TRPM3: variants seen among roughly 807,000 people sequenced by gnomAD.
The protein encoded by TRPM3 is transient receptor potential cation channel subfamily M member 3, also known as long transient receptor potential channel 3.
In TRPM3, 77 loss-of-function variants were observed where a neutral mutation model predicts 181.2. The observed-to-expected ratio is 0.42, with a 90% CI of 0.35 to 0.51. The LOEUF (loss-of-function observed/expected upper bound fraction) is 0.51. TRPM3 is among the 20% of genes least tolerant of loss of function. The pLI is 0.01. For synonymous variants in TRPM3, 745 were observed against 796.4 expected (o/e 0.94, Z 1.09); for missense variants, 1,759 against 2,196.7 (o/e 0.80, Z 3.98).
At chr9:71,068,948 G>A (rs538637860) in intron 1 of TRPM3, among the ~76,000 whole-genome samples, 22 of 152,262 alleles carry the variant, frequency 1.4e-4, no homozygotes, top group African/African-American at 5.1e-4. Flanking sequence ...AGATGATCAT[G>A]GAAGCACTAT....
chr9:70,858,781 T>G (rs2095449628), intron 3 of TRPM3, among the ~76,000 whole-genome samples: 1 of 151,960 alleles, frequency 6.6e-6, no homozygotes, highest in Non-Finnish European at 1.5e-5. Flanking sequence ...TAGGGTCCAT[T>G]GCTGTGCACT....
intron 1 of TRPM3, among the ~76,000 whole-genome samples, chr9:70,975,962 C>G (rs1406648356): frequency 6.6e-6 from 1 of 152,146 alleles, no homozygotes; most frequent in Non-Finnish European, 1.5e-5. Context: ...GTGGATACGG[C>G]ACATTTTAAT....
At chr9:71,160,911 C>A (rs2076244662) in intron 1 of TRPM3, among the ~76,000 whole-genome samples, 1 of 152,080 alleles carries the variant, frequency 6.6e-6, no homozygotes. Context: ...AATATTAGAC[C>A]TAAGCAAGCC....
At chr9:70,855,178 C>T (rs929732514) in intron 3 of TRPM3, among the ~76,000 whole-genome samples, 1 of 152,180 alleles carries the variant, frequency 6.6e-6, no homozygotes, top group African/African-American at 2.4e-5. Flanking sequence ...ATCATGGCTT[C>T]GCTCTGCACT....
At chr9:70,973,912 G>C (rs751554017) in intron 1 of TRPM3, among the ~76,000 whole-genome samples, 6 of 152,190 alleles carry the variant, frequency 3.9e-5, no homozygotes, top group Non-Finnish European at 8.8e-5. Flanking sequence ...GTATTCTAAA[G>C]CAATGGATGT....
chr9:70,759,225 T>A (rs146608648), intron 8 of TRPM3, among the ~76,000 whole-genome samples: 1 of 151,894 alleles, frequency 6.6e-6, no homozygotes, highest in African/African-American at 2.4e-5. Flanking sequence ...AACAAACATA[T>A]GGAAAAAAGC....
At chr9:71,007,981 C>T (rs1022872740) in intron 1 of TRPM3, among the ~76,000 whole-genome samples, 2 of 151,710 alleles carry the variant, frequency 1.3e-5, no homozygotes, top group African/African-American at 4.8e-5. Flanking sequence ...AACCCCAAAA[C>T]GAAGAGTGCA....
At chr9:71,417,574 T>A (rs578071422) in intron 1 of TRPM3, among the ~76,000 whole-genome samples, 8 of 151,986 alleles carry the variant, frequency 5.3e-5, no homozygotes, top group Non-Finnish European at 1.0e-4. Flanking sequence ...TATCTCATAA[T>A]CCTATTAAAT....
At chr9:70,557,612 C>T (rs1342580747) in intron 22 of TRPM3, among the ~76,000 whole-genome samples, 2 of 152,172 alleles carry the variant, frequency 1.3e-5, no homozygotes, top group Admixed American at 6.5e-5. Flanking sequence ...TGTCATATAG[C>T]ACCAACCAGT....
chr9:70,678,790 T>G (rs969131895), intron 9 of TRPM3, among the ~76,000 whole-genome samples: 2 of 152,124 alleles, frequency 1.3e-5, no homozygotes, highest in African/African-American at 4.8e-5. Flanking sequence ...CCACGCATAA[T>G]TCAAAAAAAG....
intron 1 of TRPM3, among the ~76,000 whole-genome samples, chr9:70,938,274 ACTT>A (rs1320758149): frequency 1.3e-5 from 2 of 152,090 alleles, no homozygotes; most frequent in Admixed American, 6.5e-5. Flanking sequence ...TGTAATCTCT[ACTT>A]CTTCTATTCC....
intron 1 of TRPM3, among the ~76,000 whole-genome samples, chr9:70,969,537 A>G (rs1424662463): frequency 6.6e-6 from 1 of 151,616 alleles, no homozygotes; most frequent in East Asian, 1.9e-4. Context: ...ATTAATAAAC[A>G]ATGTTAATGA....
At chr9:70,850,992 A>T (rs929571369) in intron 3 of TRPM3, among the ~76,000 whole-genome samples, 2 of 152,198 alleles carry the variant, frequency 1.3e-5, no homozygotes, top group African/African-American at 4.8e-5. Context: ...TCCTAAAATT[A>T]TTTGCCCCTT....
chr9:71,126,483 A>G (rs899422138), upstream of TRPM3, among the ~76,000 whole-genome samples: 3 of 152,184 alleles, frequency 2.0e-5, no homozygotes, highest in Non-Finnish European at 4.4e-5. Flanking sequence ...TTTGATGCTT[A>G]TACTGTATTT....
intron 1 of TRPM3, among the ~76,000 whole-genome samples, chr9:71,025,231 TC>T (rs1486436129): frequency 1.3e-5 from 2 of 152,204 alleles, no homozygotes; most frequent in East Asian, 3.9e-4. Flanking sequence ...ATTTTGCAAT[TC>T]CCTTTACTAA....
chr9:71,075,042 G>A (rs1397326946), intron 1 of TRPM3, among the ~76,000 whole-genome samples: 1 of 152,022 alleles, frequency 6.6e-6, no homozygotes, highest in Non-Finnish European at 1.5e-5. Context: ...AACAATTCTA[G>A]AAGTCACTGT....
At chr9:70,653,003 G>A (rs562389187) in intron 9 of TRPM3, among the ~76,000 whole-genome samples, 90 of 152,238 alleles carry the variant, frequency 5.9e-4, no homozygotes, top group Non-Finnish European at 1.1e-3. Context: ...GGACTTGTTA[G>A]GTCGATGAGG....
intron 6 of TRPM3, among the ~76,000 whole-genome samples, chr9:70,792,773 A>G (rs1406197073): frequency 6.6e-6 from 1 of 152,132 alleles, no homozygotes. Flanking sequence ...CCTATTCACC[A>G]GGGGTAGATA....
intron 1 of TRPM3, among the ~76,000 whole-genome samples, chr9:71,039,496 G>A (rs918401833): frequency 6.6e-6 from 1 of 152,274 alleles, no homozygotes; most frequent in Admixed American, 6.5e-5. Flanking sequence ...GATACTGCCA[G>A]AGATGGAAAA....
Sources: allele counts gnomAD v4.1 joint callset (sites outside exome capture counted in the v4.1 genomes callset), GRCh38; gene constraint gnomAD v4.1.1; transcripts MANE v1.5; gene names NCBI Gene and HGNC (gene_info 2026-07-23, HGNC 2026-07-21).